The following EIF2AK3 variants were observed in gnomAD, a reference collection of about 807,000 sequenced individuals.
EIF2AK3 encodes the protein eukaryotic translation initiation factor 2-alpha kinase 3.
EIF2AK3 carries 50 observed loss-of-function variants against 113.5 expected under a neutral mutation model. That is an observed-to-expected ratio of 0.44 (90% CI 0.35 to 0.56). EIF2AK3 has a LOEUF of 0.56. EIF2AK3 is among the 20% of genes least tolerant of loss of function. The pLI is 0.00. For synonymous variants in EIF2AK3, 448 were observed against 495.4 expected, an observed-to-expected ratio of 0.90 and a Z score of 1.27; for missense variants, 1,185 against 1,378.0, an observed-to-expected ratio of 0.86 and a Z score of 2.22.
Position 88,613,760 on chromosome 2 carries a change from G to A in EIF2AK3, c.402C>T (p.Ser134=), listed in dbSNP as rs377401079. Residue 134 remains serine, a synonymous_variant, in exon 2 of 17, where the codon TCC becomes TCT. Transcript: ENST00000303236. ...GKKQWDLDVG[S]GSLVSSSLSK... The stretch of plus-strand genomic sequence containing the variant: ...TAAGGCTGGATGACACCAAGGAACC[G>A]GATCCCACATCCAAATCCCACTGCT... The A allele has an allele frequency of 7.1e-5, 114 of 1,614,030 alleles. No individual in the cohort carries two copies. In the African/African-American group the frequency reaches 1.0e-3, roughly 14 times the overall value.
intron 1 of EIF2AK3, among the ~76,000 whole-genome samples, chr2:88,619,520 A>C (rs1001857013): frequency 6.6e-6 from 1 of 152,204 alleles, no homozygotes; most frequent in Non-Finnish European, 1.5e-5. Flanking sequence ...TCTTTCCCAC[A>C]ATCTATTCCT....
chr2:88,574,979 T>C lies in EIF2AK3; in HGVS notation c.2504A>G (p.Asn835Ser), dbSNP rs763883904. The change falls in exon 13 of 17, where the codon AAT (asparagine) becomes AGT (serine). Residue 835 changes from asparagine (N) to serine (S), a missense_variant. Physicochemically the swap from Asn to Ser is conservative, Grantham distance 46. Coordinates refer to ENST00000303236, the MANE Select transcript of EIF2AK3 (RefSeq NM_004836.7). ...GGTGGGCTTGAAAGCAGTTAGTTTA[T>C]TAGCACAATGGTTGCCAATATGCAA... ...NRLHIGNHCANKLTAFKPTSS... is the reference protein window; with the variant it reads ...NRLHIGNHCASKLTAFKPTSS... The C allele has an allele frequency of 6.2e-7, 1 of 1,614,214 alleles. No homozygotes were observed. Among genetic ancestry groups the C allele is most frequent in the Non-Finnish European group, 8.5e-7 (1 of 1,180,022 alleles).
In EIF2AK3 at chr2:88,557,635, G is replaced by A; in HGVS notation, c.*101C>T. ...AAAAAGTAGTCCACAAAAAAATTGAGCGAAGAACAAACTTTTCAAGTCTGC... is the reference window on the plus strand; with the variant it reads ...AAAAAGTAGTCCACAAAAAAATTGAACGAAGAACAAACTTTTCAAGTCTGC... On this transcript the variant is annotated 3_prime_UTR_variant, in exon 17 of 17. Transcript: ENST00000303236. 1 of 1,313,348 alleles carries A rather than the reference G, an allele frequency of 7.6e-7. No homozygotes were observed. Among genetic ancestry groups the A allele is most frequent in the East Asian group, 2.3e-5 (1 of 43,274 alleles). The allele number at this position is 1,313,348 out of a possible 1,614,324, so 81.4% of individuals were successfully genotyped here.
intron 2 of EIF2AK3, among the ~76,000 whole-genome samples, chr2:88,611,716 C>T (rs1184340215): frequency 1.3e-5 from 2 of 152,084 alleles, no homozygotes; most frequent in African/African-American, 4.8e-5. Context: ...CTGCAACCTC[C>T]GCCTCCCAGG....
At chr2:88,574,445 A>T (rs778748610) in intron 13 of EIF2AK3, 14 of 591,902 alleles carry the variant, frequency 2.4e-5, no homozygotes, top group Middle Eastern at 4.5e-4. Flanking sequence ...GAACACAAAC[A>T]CATTACTGAA....
chr2:88,616,885 A>C (rs2103973799), intron 1 of EIF2AK3, among the ~76,000 whole-genome samples: 1 of 152,264 alleles, frequency 6.6e-6, no homozygotes, highest in East Asian at 1.9e-4. Context: ...CTTGATGCAC[A>C]ATGTATATAA....
At chr2:88,581,199 T>C (rs373591951) in intron 10 of EIF2AK3, among the ~76,000 whole-genome samples, 14 of 147,728 alleles carry the variant, frequency 9.5e-5, no homozygotes, top group African/African-American at 3.0e-4. Flanking sequence ...GGTATTATTA[T>C]AGAACTCCCA....
chr2:88,615,619 A>G (rs939614015), intron 1 of EIF2AK3, among the ~76,000 whole-genome samples: 1 of 152,158 alleles, frequency 6.6e-6, no homozygotes, highest in African/African-American at 2.4e-5. Context: ...TGAGAAATAA[A>G]GGTCTGTTGT....
At chr2:88,610,752 A>G (rs1245970743) in intron 2 of EIF2AK3, among the ~76,000 whole-genome samples, 2 of 152,218 alleles carry the variant, frequency 1.3e-5, no homozygotes, top group East Asian at 1.9e-4. Context: ...AATAAAATAC[A>G]TGTTTTTTAA....
At chr2:88,613,612 G>A (rs1675503422) in intron 2 of EIF2AK3, 112 bp downstream of exon 2, 1 of 1,169,614 alleles carries the variant, frequency 8.5e-7, no homozygotes, top group South Asian at 1.2e-5. Context: ...GACACAAACT[G>A]TAAGAGGCAG....
At chr2:88,572,679 A>G (rs1320412353) in intron 13 of EIF2AK3, among the ~76,000 whole-genome samples, 1 of 152,232 alleles carries the variant, frequency 6.6e-6, no homozygotes, top group African/African-American at 2.4e-5. Context: ...ATGTGGGCCA[A>G]CAGATTTCCT....
chr2:88,559,602 G>C (rs1673886895), intron 15 of EIF2AK3, among the ~76,000 whole-genome samples: 1 of 151,362 alleles, frequency 6.6e-6, no homozygotes, highest in South Asian at 2.1e-4. Context: ...AAAGAGAAAG[G>C]GGAGAGAGAG....
rs778883322 is a variant in EIF2AK3 at position 88,579,652 on chromosome 2, G to T, written c.1764-12C>A. ...AATCAGTTAGATATCTTTAAAAAGA[G>T]ATAAAATTTATAAAGGTTTGCAACA... is the stretch of plus-strand genomic sequence containing the variant. On this transcript the variant is annotated splice_polypyrimidine_tract_variant and intron_variant, in intron 10 of 16. Coordinates refer to ENST00000303236, the MANE Select transcript of EIF2AK3 (RefSeq NM_004836.7). 3 of 1,611,454 alleles carry T rather than the reference G, an allele frequency of 1.9e-6. No homozygotes were observed. In the Admixed American group the frequency reaches 5.0e-5, roughly 27 times the overall value.
At chr2:88,582,931 A>G (rs1674634409) in intron 10 of EIF2AK3, among the ~76,000 whole-genome samples, 1 of 152,184 alleles carries the variant, frequency 6.6e-6, no homozygotes, top group African/African-American at 2.4e-5. Flanking sequence ...TTTATACTTG[A>G]GAGATTGCTA....
Position 88,566,134 on chromosome 2 carries a change from A to G in EIF2AK3, c.2986-3744T>C, listed in dbSNP as rs150912666. Among the ~76,000 whole-genome samples, 127 of 152,242 alleles carry G rather than the reference A, an allele frequency of 8.3e-4. 1 individual carries two copies. The East Asian group carries it at 0.024, about 28-fold the overall frequency. On this transcript the variant is annotated intron_variant, in intron 14 of 16. Transcript: ENST00000303236. ...CTATTTTACTGTTTCACCAGTATCA[A>G]TTCTTATGTTTGTTTTCCATCTTCT...
intron 9 of EIF2AK3, among the ~76,000 whole-genome samples, chr2:88,584,252 C>T (rs1313965359): frequency 1.3e-5 from 2 of 152,062 alleles, no homozygotes; most frequent in African/African-American, 4.8e-5. Context: ...CGTGGTGGCT[C>T]ATGCCTGTAA....
chr2:88,557,893 C>A lies in EIF2AK3; in HGVS notation c.3194G>T (p.Arg1065Leu). ...QDMLSPSPME[R>L]PEAINIIENA... The stretch of plus-strand genomic sequence containing the variant: ...TTCAATGATGTTTATAGCTTCAGGT[C>A]GTTCCATGGGGGATGGAGAGAGCAT... The change falls in exon 17 of 17, where the codon CGA becomes CTA. Residue 1065 changes from arginine (R) to leucine (L), a missense_variant. Around this residue, in one of 3 missense-constraint regions of EIF2AK3, gnomAD observed 877 missense variants for 1,024.2 expected, o/e 0.86. Transcript: ENST00000303236. 6.2e-7 allele frequency: 1 copy of A among 1,614,080 alleles called. No homozygotes were observed. The highest frequency in any genetic ancestry group is 1.1e-5 in the South Asian group (1 of 91,070).
chr2:88,571,666 T>C (rs913652401), intron 13 of EIF2AK3, among the ~76,000 whole-genome samples: 3 of 152,196 alleles, frequency 2.0e-5, no homozygotes, highest in Admixed American at 2.0e-4. Context: ...TCAGTCCAGT[T>C]CTTGCTCTAT....
chr2:88,627,512 C>T (rs937669748), upstream of EIF2AK3: 4 of 433,030 alleles, frequency 9.2e-6, no homozygotes, highest in African/African-American at 4.1e-5. Flanking sequence ...TTTGCTCTCT[C>T]ATTGGCTGCG....
Sources: gnomAD v4.1 joint callset for allele counts (sites outside exome capture counted in the v4.1 genomes callset) on GRCh38, gnomAD v4.1.1 for gene constraint, gnomAD v4.1.1 regional missense constraint, MANE v1.5 for transcripts, NCBI Gene and HGNC (gene_info 2026-07-23, HGNC 2026-07-21) for gene names.